Variants in VCL observed in about 807,000 individuals in gnomAD.
The protein encoded by VCL is vinculin.
VCL carries 47 observed loss-of-function variants against 125.7 expected under a neutral mutation model. The observed-to-expected ratio is 0.37, with a 90% CI of 0.30 to 0.48. VCL has a LOEUF of 0.48. Among genes scored for constraint, VCL ranks in the 20% least tolerant of loss-of-function variants. VCL has a pLI of 0.99. For synonymous variants in VCL, 458 were observed against 514.6 expected (o/e 0.89, Z 1.49); for missense variants, 1,069 against 1,455.5 (o/e 0.73, Z 4.32).
chr10:74,055,394 G>A (rs2076661016), intron 2 of VCL, among the ~76,000 whole-genome samples: 1 of 151,874 alleles, frequency 6.6e-6, no homozygotes, highest in Admixed American at 6.6e-5. Flanking sequence ...ACCTAGGCTG[G>A]AATGTAGTTG....
intron 2 of VCL, among the ~76,000 whole-genome samples, chr10:74,046,321 C>T (rs1284142916): frequency 6.6e-6 from 1 of 152,196 alleles, no homozygotes; most frequent in Non-Finnish European, 1.5e-5. Flanking sequence ...GATCATGGCT[C>T]ACTGCAGCCT....
At chr10:74,089,478 A>G (rs1247025478) in intron 9 of VCL, 129 bp downstream of exon 9, 28 of 1,316,408 alleles carry the variant, frequency 2.1e-5, no homozygotes, top group Non-Finnish European at 2.8e-5. Flanking sequence ...GTGATGAGTG[A>G]CTTCCAGCAC....
At chr10:74,075,124 A>G (rs182947054) in intron 6 of VCL, 31 of 575,528 alleles carry the variant, frequency 5.4e-5, no homozygotes, top group Non-Finnish European at 6.6e-5. Flanking sequence ...CATGTGGGGT[A>G]GATACTGGTT....
chr10:74,095,709 A>G lies in VCL; in HGVS notation c.1597A>G (p.Met533Val), dbSNP rs772348187. ...CGAAGGGCATCGTCTGGCTAATGTT[A>G]TGATGGGGCCTTATCGGCAAGATCT... ...VAEGHRLANVMMGPYRQDLLA... is the reference protein window; with the variant it reads ...VAEGHRLANVVMGPYRQDLLA... Residue 533 changes from methionine (M) to valine (V), a missense_variant, in exon 12 of 22, where the codon ATG (methionine) becomes GTG (valine). This residue lies in a region of VCL where 760 missense variants were observed against 928.9 expected (regional missense o/e 0.82). Coordinates refer to ENST00000211998, the MANE Select transcript of VCL (RefSeq NM_014000.3). The G allele has an allele frequency of 1.2e-6, 2 of 1,614,194 alleles. No homozygotes were observed. The highest frequency in any genetic ancestry group is 1.7e-6 in the Non-Finnish European group (2 of 1,180,036).
At chr10:74,003,893 A>T (rs960752545) in intron 1 of VCL, among the ~76,000 whole-genome samples, 8 of 151,854 alleles carry the variant, frequency 5.3e-5, no homozygotes, top group Middle Eastern at 3.4e-3. Flanking sequence ...CTAATTTAAA[A>T]TTTTTTTTAT....
chr10:74,018,837 G>A (rs575135410), intron 1 of VCL, among the ~76,000 whole-genome samples: 11 of 152,280 alleles, frequency 7.2e-5, no homozygotes, highest in African/African-American at 2.4e-4. Context: ...ATGCACTTAA[G>A]AAACCCAATG....
Position 74,061,907 on chromosome 10 carries a change from C to CTTTTTTTTTT in VCL, c.240-8756_240-8747dup, listed in dbSNP as rs11439344. Among the ~76,000 whole-genome samples, 3 of 129,378 alleles carry CTTTTTTTTTT rather than the reference C, an allele frequency of 2.3e-5. 1 individual carries two copies. The highest frequency in any genetic ancestry group is 3.2e-5 in the Non-Finnish European group (2 of 62,872). The allele number at this position is 129,378 out of a possible 152,430, so 84.9% of individuals were successfully genotyped here. A position where few individuals can be genotyped will look rare whatever the true frequency, so the allele number is the denominator to read the frequency against. ...TTATCTAACTAGGGTAACCAATCTA[C>CTTTTTTTTTT]TTTTTTTTTTTTTTTTGAGACAGGA... On this transcript the variant is annotated intron_variant, in intron 2 of 21. Transcript: ENST00000211998.
At chr10:74,083,790 C>T (rs1839719615) in intron 8 of VCL, among the ~76,000 whole-genome samples, 1 of 152,182 alleles carries the variant, frequency 6.6e-6, no homozygotes, top group Non-Finnish European at 1.5e-5. Flanking sequence ...CTCCCAGGTT[C>T]AAGAGATTCT....
chr10:74,018,181 T>TATATATATATATATATATATATAAATAC (rs1565634793), intron 1 of VCL, among the ~76,000 whole-genome samples: 1 of 131,878 alleles, frequency 7.6e-6, no homozygotes, highest in African/African-American at 2.9e-5. Context: ...ATATAGGATA[T>TATATATATATATATATATATATAAATAC]ATATATATAT....
chr10:74,043,310 G>A (rs527948519), intron 2 of VCL, among the ~76,000 whole-genome samples, 157 bp downstream of exon 2: 2 of 151,312 alleles, frequency 1.3e-5, no homozygotes, highest in East Asian at 3.9e-4. Flanking sequence ...TAAAAAAACT[G>A]TTCATTTTAG....
intron 2 of VCL, among the ~76,000 whole-genome samples, chr10:74,056,652 G>C (rs571781274): frequency 1.4e-4 from 22 of 152,240 alleles, no homozygotes; most frequent in African/African-American, 5.3e-4. Flanking sequence ...ATTAAAGCTT[G>C]TCATTGTACT....
intron 1 of VCL, among the ~76,000 whole-genome samples, chr10:74,041,836 A>C (rs1841100373): frequency 6.6e-6 from 1 of 152,178 alleles, no homozygotes; most frequent in African/African-American, 2.4e-5. Flanking sequence ...CTGGGAGGCC[A>C]AGGTTTCAGT....
rs1840108612 is a variant in VCL at position 74,104,915 on chromosome 10, A to G, written c.2132-136A>G. On this transcript the variant is annotated intron_variant, in intron 15 of 21. Coordinates refer to ENST00000211998, the MANE Select transcript of VCL (RefSeq NM_014000.3). ...GGTGTTTACCTGGAAGCTTTTGATTATGTAGGAAGAGTTTGAGCTGAAGAA... is the reference window on the plus strand; with the variant it reads ...GGTGTTTACCTGGAAGCTTTTGATTGTGTAGGAAGAGTTTGAGCTGAAGAA... 6 of 988,266 alleles carry G rather than the reference A, an allele frequency of 6.1e-6. No individual in the cohort carries two copies. The South Asian group carries it at 7.6e-5, about 13-fold the overall frequency. 61.2% of individuals were successfully genotyped at this position (988,266 alleles called of 1,614,324 possible). A position where few individuals can be genotyped will look rare whatever the true frequency, so the allele number is the denominator to read the frequency against.
intron 2 of VCL, among the ~76,000 whole-genome samples, chr10:74,064,636 A>G (rs539232685): frequency 6.6e-6 from 1 of 152,186 alleles, no homozygotes; most frequent in Admixed American, 6.5e-5. Flanking sequence ...TGGAACTCCT[A>G]AGCTCAAGTG....
intron 1 of VCL, among the ~76,000 whole-genome samples, chr10:73,999,269 C>T (rs1004537998): frequency 6.6e-6 from 1 of 152,198 alleles, no homozygotes; most frequent in Non-Finnish European, 1.5e-5. Context: ...ATCTGCCGCC[C>T]CTGCCGGAGA....
chr10:74,003,862 G>A (rs1002186562), intron 1 of VCL, among the ~76,000 whole-genome samples: 1 of 152,100 alleles, frequency 6.6e-6, no homozygotes, highest in African/African-American at 2.4e-5. Flanking sequence ...TGGGACTACA[G>A]GGGTGCACCT....
intron 2 of VCL, among the ~76,000 whole-genome samples, chr10:74,049,711 G>A (rs1179266968): frequency 2.6e-5 from 4 of 152,166 alleles, no homozygotes; most frequent in Non-Finnish European, 5.9e-5. Flanking sequence ...GCCAGGCAAA[G>A]GAATTTAGAA....
intron 13 of VCL, among the ~76,000 whole-genome samples, chr10:74,100,112 G>A (rs752724099): frequency 3.9e-5 from 6 of 152,322 alleles, no homozygotes; most frequent in Admixed American, 6.5e-5. Context: ...AATGCAGTAA[G>A]TAAGTAACTG....
intron 10 of VCL, among the ~76,000 whole-genome samples, chr10:74,093,411 C>T (rs900079262): frequency 6.6e-5 from 10 of 152,102 alleles, no homozygotes; most frequent in Non-Finnish European, 1.0e-4. Flanking sequence ...AACCTCATAC[C>T]TCCATTTTGT....
Sources: gnomAD v4.1 joint callset for allele counts (sites outside exome capture counted in the v4.1 genomes callset) on GRCh38, gnomAD v4.1.1 for gene constraint, gnomAD v4.1.1 regional missense constraint, MANE v1.5 for transcripts, NCBI Gene and HGNC (gene_info 2026-07-23, HGNC 2026-07-21) for gene names.